Variants in SRP9 observed in about 807,000 individuals in gnomAD.
SRP9 encodes the protein signal recognition particle 9 kDa protein.
A neutral mutation model predicts 11.7 loss-of-function variants in SRP9; 2 were observed. The observed-to-expected ratio is 0.17, with a 90% CI of 0.07 to 0.54. The LOEUF (loss-of-function observed/expected upper bound fraction) is 0.54, where lower values mean the gene tolerates loss of function less well. Among genes scored for constraint, SRP9 ranks in the 20% least tolerant of loss-of-function variants. The pLI is 0.94. For synonymous variants in SRP9, 27 were observed against 35.6 expected (o/e 0.76, Z 0.86); for missense variants, 54 against 108.1 (o/e 0.50, Z 2.22).
At chr1:225,779,051 G>A (rs1422878987) in intron 1 of SRP9, among the ~76,000 whole-genome samples, 7 of 152,048 alleles carry the variant, frequency 4.6e-5, no homozygotes, top group Admixed American at 4.6e-4. Flanking sequence ...TATAGATCCA[G>A]TGTATTGTGA....
At position 225,790,032 on chromosome 1, in the gene SRP9, T is replaced by G. The variant is rs1665996184; in HGVS notation, c.*673T>G. On this transcript the variant is annotated 3_prime_UTR_variant, in exon 3 of 3. Coordinates refer to ENST00000304786, the MANE Select transcript of SRP9 (RefSeq NM_003133.6). ...TCAGTGATCAGAAGCAGCAGTTATT[T>G]GAGTGTATGAATGGAATGATGATCA... 6.6e-6 allele frequency: 1 copy of G among 152,282 alleles called. No homozygotes were observed. The highest frequency in any genetic ancestry group is 2.1e-4 in the South Asian group (1 of 4,836). The allele number at this position is 152,282 out of a possible 1,614,324, so 9.4% of individuals were successfully genotyped here.
At chr1:225,779,939 T>A (rs1665760764) in intron 1 of SRP9, among the ~76,000 whole-genome samples, 1 of 152,206 alleles carries the variant, frequency 6.6e-6, no homozygotes, top group Admixed American at 6.5e-5. Context: ...TGTAAGAATG[T>A]GATGGCAGTG....
intron 1 of SRP9, among the ~76,000 whole-genome samples, chr1:225,781,059 TCTCATGAAG>T (rs1665784486): frequency 6.6e-6 from 1 of 152,240 alleles, no homozygotes; most frequent in Non-Finnish European, 1.5e-5. Flanking sequence ...TCAGCTCTAG[TCTCATGAAG>T]CTACCGGATT....
intron 2 of SRP9, among the ~76,000 whole-genome samples, chr1:225,787,529 G>A (rs1665943025): frequency 6.6e-6 from 1 of 151,758 alleles, no homozygotes; most frequent in African/African-American, 2.4e-5. Flanking sequence ...ACTAGACTCG[G>A]TCTCAAAAAA....
chr1:225,786,336 A>G (rs957585220), intron 2 of SRP9, among the ~76,000 whole-genome samples: 4 of 152,252 alleles, frequency 2.6e-5, no homozygotes, highest in African/African-American at 9.6e-5. Flanking sequence ...GAGATAGATC[A>G]GTAATATTCT....
chr1:225,787,790 T>C (rs1197637032), intron 2 of SRP9, among the ~76,000 whole-genome samples: 1 of 152,188 alleles, frequency 6.6e-6, no homozygotes, highest in Non-Finnish European at 1.5e-5. Context: ...TCATAGGACA[T>C]GTGCTAAAAT....
intron 2 of SRP9, among the ~76,000 whole-genome samples, chr1:225,784,668 C>T (rs1241570473): frequency 5.3e-5 from 8 of 151,614 alleles, no homozygotes; most frequent in African/African-American, 9.7e-5. Flanking sequence ...GGTGAAACCC[C>T]ATCTCTACTA....
chr1:225,782,176 T>A (rs1027780316), intron 1 of SRP9, among the ~76,000 whole-genome samples: 4 of 151,926 alleles, frequency 2.6e-5, no homozygotes, highest in Admixed American at 1.3e-4. Flanking sequence ...ATTTATTTAT[T>A]TTTTTTGAAA....
intron 2 of SRP9, among the ~76,000 whole-genome samples, chr1:225,785,094 A>G (rs749683754): frequency 1.3e-5 from 2 of 151,652 alleles, no homozygotes; most frequent in African/African-American, 4.8e-5. Context: ...TTCTATTTAG[A>G]CGGAGTCTCG....
intron 2 of SRP9, among the ~76,000 whole-genome samples, chr1:225,786,310 G>A (rs1378778142): frequency 6.6e-6 from 1 of 152,180 alleles, no homozygotes; most frequent in Non-Finnish European, 1.5e-5. Context: ...TTAATAGACT[G>A]CCCTTCAAGA....
rs567003036 is a variant in SRP9, at chr1:225,786,090, T to G, written c.141+2722T>G. ...TAATCTCTGTCATTTCTGTATTATG[T>G]AAGAGCTCCTTTAATGTGCTGTGAT... On this transcript the variant is annotated intron_variant, in intron 2 of 2. Coordinates refer to ENST00000304786, the MANE Select transcript of SRP9 (RefSeq NM_003133.6). 2.6e-5 allele frequency among the ~76,000 whole-genome samples: 4 copies of G among 152,384 alleles called. No homozygotes were observed. The South Asian group carries it at 8.3e-4, about 32-fold the overall frequency.
chr1:225,778,300 A>T (rs929682692), intron 1 of SRP9, among the ~76,000 whole-genome samples: 7 of 152,144 alleles, frequency 4.6e-5, no homozygotes, highest in Non-Finnish European at 8.8e-5. Flanking sequence ...TTGTTTTACG[A>T]GTCCCTGAAG....
At chr1:225,783,184 T>C (rs1169587604) in intron 1 of SRP9, 116 bp from the exon 2 acceptor site, 3 of 690,776 alleles carry the variant, frequency 4.3e-6, no homozygotes, top group Non-Finnish European at 4.8e-6. Context: ...AAAATGCCTT[T>C]AGATGTTTGG....
chr1:225,789,144 AG>A, intron 2 of SRP9, 95 bp from the exon 3 acceptor site: 1 of 1,552,108 alleles, frequency 6.4e-7, no homozygotes, highest in East Asian at 2.4e-5. Context: ...AAACAGTGGT[AG>A]GAAAAACTCT....
chr1:225,781,505 T>A (rs1378841266), intron 1 of SRP9, among the ~76,000 whole-genome samples: 1 of 147,668 alleles, frequency 6.8e-6, no homozygotes, highest in Admixed American at 6.9e-5. Context: ...GTTCAAGCGA[T>A]TCTCCTGCCT....
In SRP9 at chr1:225,777,897, G is replaced by T. The variant is rs1239163212; in HGVS notation, c.-44G>T. 6.3e-7 allele frequency: 1 copy of T among 1,576,436 alleles called. No homozygotes were observed. Among genetic ancestry groups the T allele is most frequent in the Non-Finnish European group, 8.7e-7 (1 of 1,148,858 alleles). ...GGACGTAGGTAGTTTGTTGGGCCGG[G>T]TTCTGAGGCCTTGCTTCTCTTTACT... On this transcript the variant is annotated 5_prime_UTR_variant, in exon 1 of 3. Coordinates refer to ENST00000304786, the MANE Select transcript of SRP9 (RefSeq NM_003133.6).
chr1:225,786,244 G>A (rs751610684), intron 2 of SRP9, among the ~76,000 whole-genome samples: 2 of 152,100 alleles, frequency 1.3e-5, no homozygotes, highest in Non-Finnish European at 2.9e-5. Flanking sequence ...TTCATTTCTT[G>A]CTTTTCATTT....
In SRP9 at chr1:225,777,888, T is replaced by C. The variant is rs1385363850; in HGVS notation, c.-53T>C. The C allele has an allele frequency of 6.5e-6, 10 of 1,547,698 alleles. No homozygotes were observed. The highest frequency in any genetic ancestry group is 8.0e-6 in the Non-Finnish European group (9 of 1,126,988). On this transcript the variant is annotated 5_prime_UTR_variant, in exon 1 of 3. Transcript: ENST00000304786. The stretch of plus-strand genomic sequence containing the variant: ...GCGACTCCCGGACGTAGGTAGTTTG[T>C]TGGGCCGGGTTCTGAGGCCTTGCTT...
chr1:225,780,360 G>A (rs1665769183), intron 1 of SRP9, among the ~76,000 whole-genome samples: 1 of 151,746 alleles, frequency 6.6e-6, no homozygotes, highest in South Asian at 2.1e-4. Flanking sequence ...GAGTGTAGAG[G>A]AAGAGCTTAA....
Sources: allele counts gnomAD v4.1 joint callset (sites outside exome capture counted in the v4.1 genomes callset), GRCh38; gene constraint gnomAD v4.1.1; transcripts MANE v1.5; gene names NCBI Gene and HGNC (gene_info 2026-07-23, HGNC 2026-07-21).